The following MTA3 variants were observed in gnomAD, a reference collection of about 807,000 sequenced individuals.
The protein encoded by MTA3 is metastasis-associated protein MTA3.
MTA3 carries 34 observed loss-of-function variants against 83.5 expected under a neutral mutation model. The observed-to-expected ratio is 0.41, with a 90% CI of 0.31 to 0.54. The LOEUF is 0.54. Among genes scored for constraint, MTA3 ranks in the 20% least tolerant of loss-of-function variants. The pLI is 0.33. For synonymous variants in MTA3, 303 were observed against 252.7 expected, an observed-to-expected ratio of 1.20 and a Z score of -1.89; for missense variants, 761 against 726.4, an observed-to-expected ratio of 1.05 and a Z score of -0.55.
chr2:42,748,830 G>T (rs1346459093), intron 16 of MTA3, among the ~76,000 whole-genome samples: 1 of 152,192 alleles, frequency 6.6e-6, no homozygotes, highest in Admixed American at 6.5e-5. Flanking sequence ...TTGCAGAGTG[G>T]TAAGTTTTGT....
chr2:42,617,805 T>C (rs1558506781), intron 4 of MTA3, among the ~76,000 whole-genome samples: 1 of 151,634 alleles, frequency 6.6e-6, no homozygotes, highest in Non-Finnish European at 1.5e-5. Context: ...ATGCGTAAAA[T>C]AAAATTTGCA....
chr2:42,687,510 C>G (rs1011841811), intron 9 of MTA3, among the ~76,000 whole-genome samples: 5 of 152,228 alleles, frequency 3.3e-5, no homozygotes, highest in Admixed American at 6.5e-5. Flanking sequence ...GATAAAGTTG[C>G]TATAAACATT....
intron 2 of MTA3, among the ~76,000 whole-genome samples, chr2:42,541,143 T>C (rs998270124): frequency 6.6e-6 from 1 of 151,996 alleles, no homozygotes; most frequent in African/African-American, 2.4e-5. Context: ...GTGATTCTCC[T>C]GCCTCAGCCT....
intron 2 of MTA3, among the ~76,000 whole-genome samples, chr2:42,553,565 G>A (rs575963554): frequency 2.7e-5 from 4 of 150,590 alleles, no homozygotes; most frequent in East Asian, 3.9e-4. Flanking sequence ...GAGAAACCCC[G>A]TCTCTACTAA....
chr2:42,660,865 A>T (rs978954494), intron 8 of MTA3, among the ~76,000 whole-genome samples: 1 of 152,246 alleles, frequency 6.6e-6, no homozygotes, highest in Admixed American at 6.5e-5. Context: ...AAAAATAAAG[A>T]CAGGGTCTTA....
chr2:42,604,742 G>A (rs1395342656), intron 3 of MTA3, among the ~76,000 whole-genome samples: 1 of 145,778 alleles, frequency 6.9e-6, no homozygotes, highest in African/African-American at 2.6e-5. Flanking sequence ...CTTCCGCAGT[G>A]TTTGTGTCCC....
intron 2 of MTA3, among the ~76,000 whole-genome samples, chr2:42,551,186 TTTTG>T (rs1171461167): frequency 6.6e-6 from 1 of 151,778 alleles, no homozygotes; most frequent in Non-Finnish European, 1.5e-5. Flanking sequence ...TCTTTTTTTT[TTTTG>T]TTTGTTTGTT....
chr2:42,717,919 TC>T (rs1264231746), intron 14 of MTA3, among the ~76,000 whole-genome samples: 3 of 152,190 alleles, frequency 2.0e-5, no homozygotes, highest in Non-Finnish European at 4.4e-5. Context: ...TAAGACTGAT[TC>T]CACCTTGTGC....
intron 16 of MTA3, among the ~76,000 whole-genome samples, chr2:42,724,356 A>C (rs1458002154): frequency 6.9e-6 from 1 of 144,374 alleles, no homozygotes; most frequent in Non-Finnish European, 1.5e-5. Flanking sequence ...CGGTAAAAAG[A>C]CTGTCGTTGT....
intron 2 of MTA3, among the ~76,000 whole-genome samples, chr2:42,527,649 T>A (rs1675777350): frequency 6.6e-6 from 1 of 152,060 alleles, no homozygotes; most frequent in Non-Finnish European, 1.5e-5. Flanking sequence ...TAAAGTTTAA[T>A]AATTTTTTTA....
intron 2 of MTA3, among the ~76,000 whole-genome samples, chr2:42,576,165 A>C (rs963883220): frequency 3.9e-5 from 6 of 152,242 alleles, no homozygotes; most frequent in Non-Finnish European, 7.3e-5. Context: ...CTACCCATAC[A>C]GGGTCCACAT....
chr2:42,627,393 A>G (rs1240977707), intron 4 of MTA3, among the ~76,000 whole-genome samples: 2 of 151,998 alleles, frequency 1.3e-5, no homozygotes, highest in African/African-American at 2.4e-5. Flanking sequence ...TCCTAATTAT[A>G]TTAGGGAAAA....
chr2:42,723,169 A>T, intron 16 of MTA3, 134 bp downstream of exon 16: 1 of 1,113,520 alleles, frequency 9.0e-7, no homozygotes, highest in South Asian at 1.6e-5. Flanking sequence ...TTGAGGAATA[A>T]GGGGGAATAC....
At chr2:42,497,446 G>A (rs937160255) in intron 2 of MTA3, among the ~76,000 whole-genome samples, 2 of 151,080 alleles carry the variant, frequency 1.3e-5, no homozygotes, top group African/African-American at 4.9e-5. Context: ...TTAGCTGGGC[G>A]TGGTGGTGCG....
intron 2 of MTA3, among the ~76,000 whole-genome samples, chr2:42,562,731 A>G (rs1466852036): frequency 2.0e-5 from 3 of 152,126 alleles, no homozygotes; most frequent in Non-Finnish European, 2.9e-5. Flanking sequence ...TATTCCTTAG[A>G]TTGGCTGGGC....
intron 3 of MTA3, among the ~76,000 whole-genome samples, chr2:42,594,728 A>ATATATATATATT: frequency 5.4e-4 from 13 of 24,038 alleles, no homozygotes; most frequent in African/African-American, 2.0e-3. Context: ...ATATATATAT[A>ATATATATATATT]TTTTTTTTTT....
rs928764669 is a variant in MTA3, at chr2:42,748,266, G to A, written c.1760-5108G>A. Among the ~76,000 whole-genome samples, 6 of 151,164 alleles carry A rather than the reference G, an allele frequency of 4.0e-5. No homozygotes were observed. In the South Asian group the frequency reaches 1.0e-3, roughly 26 times the overall value. ...GTTTTAGTAGAGACGGGGTTTCACC[G>A]TGTTGGCCAGGATGGTTTCCATCTC... On this transcript the variant is annotated intron_variant, in intron 16 of 16. Transcript: ENST00000405094.
chr2:42,646,010 G>A (rs1688145420), intron 6 of MTA3, among the ~76,000 whole-genome samples: 1 of 152,206 alleles, frequency 6.6e-6, no homozygotes, highest in African/African-American at 2.4e-5. Flanking sequence ...GTGACTTGAA[G>A]CCAATCCTCG....
chr2:42,667,085 CT>C (rs1690296118), intron 8 of MTA3, among the ~76,000 whole-genome samples: 1 of 152,036 alleles, frequency 6.6e-6, no homozygotes, highest in Non-Finnish European at 1.5e-5. Flanking sequence ...ACCCCTCATC[CT>C]TTTTAAGAGA....
Sources: gnomAD v4.1 joint callset for allele counts (sites outside exome capture counted in the v4.1 genomes callset) on GRCh38, gnomAD v4.1.1 for gene constraint, MANE v1.5 for transcripts, NCBI Gene and HGNC (gene_info 2026-07-23, HGNC 2026-07-21) for gene names.